PRH1: variants seen among roughly 807,000 people sequenced by gnomAD.
PRH1 encodes the protein proline rich protein HaeIII subfamily 1.
In PRH1, 7 loss-of-function variants were observed where a neutral mutation model predicts 7.9. The ratio of observed to expected loss-of-function variants is 0.89; its 90% CI spans 0.50 to 1.67. The LOEUF (loss-of-function observed/expected upper bound fraction) is 1.67. Among genes scored for constraint, PRH1 ranks in the 40% most tolerant of loss-of-function variants. PRH1 has a pLI of 0.00. For synonymous variants in PRH1, 45 were observed against 80.8 expected, an observed-to-expected ratio of 0.56 and a Z score of 2.38; for missense variants, 109 against 223.6, an observed-to-expected ratio of 0.49 and a Z score of 3.27.
intron 2 of PRH1, among the ~76,000 whole-genome samples, chr12:10,921,252 T>C (rs1026607947): frequency 2.6e-5 from 4 of 152,056 alleles, no homozygotes; most frequent in Admixed American, 1.3e-4. Flanking sequence ...AAGGTAAAAA[T>C]TATGACATTT....
chr12:11,037,354 A>G (rs1591860536), intron 1 of PRH1, among the ~76,000 whole-genome samples: 1 of 152,226 alleles, frequency 6.6e-6, no homozygotes, highest in Non-Finnish European at 1.5e-5. Flanking sequence ...ATCATGCTAA[A>G]TATGTTTTAT....
chr12:10,956,182 G>T (rs1039648348), intron 2 of PRH1, among the ~76,000 whole-genome samples: 12 of 151,914 alleles, frequency 7.9e-5, no homozygotes, highest in Non-Finnish European at 1.5e-5. Flanking sequence ...TCCACAAAAT[G>T]CCAGCAAGTT....
At position 11,090,902 on chromosome 12, in the gene PRH1, G is replaced by T. The variant is rs74062434; in HGVS notation, n.124-43714C>A. Reference sequence around the variant, plus strand: ...CAATAGAAAAGAGCAATATTTTTCCGGGGATAAGCTCTTACTTCTTAATAA... The same window carrying T: ...CAATAGAAAAGAGCAATATTTTTCCTGGGATAAGCTCTTACTTCTTAATAA... On this transcript the variant is annotated intron_variant and non_coding_transcript_variant, in intron 1 of 4. Transcript: ENST00000541977. 2.7e-4 allele frequency among the ~76,000 whole-genome samples: 25 copies of T among 93,402 alleles called. 7 individuals carry two copies. The highest frequency in any genetic ancestry group is 4.7e-4 in the Non-Finnish European group (18 of 38,370). The allele number at this position is 93,402 out of a possible 152,430, so 61.3% of individuals were successfully genotyped here. A position where few individuals can be genotyped will look rare whatever the true frequency, so the allele number is the denominator to read the frequency against.
chr12:11,051,729 T>A (rs1258438072), upstream of PRH1, among the ~76,000 whole-genome samples: 2 of 152,234 alleles, frequency 1.3e-5, no homozygotes, highest in Non-Finnish European at 2.9e-5. Context: ...GAACTCTGTA[T>A]AGATACAATC....
At chr12:10,971,001 T>A (rs762055647) in intron 2 of PRH1, among the ~76,000 whole-genome samples, 29 of 152,220 alleles carry the variant, frequency 1.9e-4, no homozygotes, top group Non-Finnish European at 2.1e-4. Flanking sequence ...TTTACTTTTT[T>A]TGCCTTTTAA....
chr12:11,007,875 C>A (rs185235133), intron 1 of PRH1, among the ~76,000 whole-genome samples: 1 of 152,078 alleles, frequency 6.6e-6, no homozygotes, highest in African/African-American at 2.4e-5. Context: ...CCAGAGTGAT[C>A]CACCCAAACC....
chr12:10,941,863 A>G (rs1950406948), intron 2 of PRH1, among the ~76,000 whole-genome samples: 1 of 152,190 alleles, frequency 6.6e-6, no homozygotes. Context: ...TATCAGAGAA[A>G]AGATCTAGGG....
intron 1 of PRH1, chr12:11,021,798 T>C (rs76455106): frequency 1.3e-6 from 2 of 1,573,436 alleles, no homozygotes; most frequent in Non-Finnish European, 1.7e-6. Context: ...GGAGTACAAG[T>C]TTGCTCTGCT....
intron 1 of PRH1, among the ~76,000 whole-genome samples, chr12:11,040,910 TG>T (rs1299607500): frequency 6.6e-6 from 1 of 152,118 alleles, no homozygotes; most frequent in Non-Finnish European, 1.5e-5. Context: ...AGATAGCATT[TG>T]CAAGCCTCAT....
intron 1 of PRH1, among the ~76,000 whole-genome samples, chr12:11,101,754 T>C (rs895801498): frequency 6.6e-6 from 1 of 152,188 alleles, no homozygotes; most frequent in Non-Finnish European, 1.5e-5. Context: ...TACCATACCT[T>C]GGTAAGAAAA....
intron 1 of PRH1, among the ~76,000 whole-genome samples, chr12:10,987,308 G>A (rs966590134): frequency 1.2e-4 from 18 of 152,068 alleles, no homozygotes; most frequent in Non-Finnish European, 7.3e-5. Context: ...CGTTCATACA[G>A]TAAATGTCTA....
chr12:10,903,931 CAAAAAAA>C (rs546066515), intron 2 of PRH1, among the ~76,000 whole-genome samples: 3 of 31,106 alleles, frequency 9.6e-5, no homozygotes, highest in Admixed American at 5.4e-4. Context: ...ACAATAGCCT[CAAAAAAA>C]AAAAAAAAAA....
intron 1 of PRH1, among the ~76,000 whole-genome samples, chr12:11,071,079 C>T (rs1299298298): frequency 7.0e-6 from 1 of 143,400 alleles, no homozygotes; most frequent in Non-Finnish European, 1.6e-5. Flanking sequence ...CACCCCCACT[C>T]ACTAGACATT....
intron 1 of PRH1, among the ~76,000 whole-genome samples, chr12:11,038,537 C>T (rs986500278): frequency 6.6e-6 from 1 of 152,198 alleles, no homozygotes; most frequent in African/African-American, 2.4e-5. Context: ...TAATTCTTCT[C>T]ATATCTGTAT....
intron 1 of PRH1, among the ~76,000 whole-genome samples, chr12:11,067,111 A>G (rs1210849807): frequency 1.3e-5 from 2 of 152,158 alleles, no homozygotes; most frequent in Non-Finnish European, 2.9e-5. Flanking sequence ...TCATTTTACT[A>G]TAGCAGTGAA....
chr12:11,049,590 A>C (rs886634969), upstream of PRH1, among the ~76,000 whole-genome samples: 6 of 152,176 alleles, frequency 3.9e-5, no homozygotes, highest in African/African-American at 1.4e-4. Context: ...ATGCAAATAA[A>C]GGCATTTTTT....
intron 2 of PRH1, among the ~76,000 whole-genome samples, chr12:10,904,951 C>A (rs553883430): frequency 6.6e-6 from 1 of 151,326 alleles, no homozygotes; most frequent in South Asian, 2.1e-4. Flanking sequence ...ATTAGAGACA[C>A]GCAAATCAAA....
rs1470825081 is a variant in PRH1, at chr12:11,096,782, GTTTT to G, written n.124-49598_124-49595del. ...TATTCCATTATTTAAATTTTATGCGGTTTTTGTTTTTTTTGTTGTTGTTGTTGTT... is the reference window on the plus strand; with the variant it reads ...TATTCCATTATTTAAATTTTATGCGGTGTTTTTTTTGTTGTTGTTGTTGTT... On this transcript the variant is annotated intron_variant and non_coding_transcript_variant, in intron 1 of 4. Transcript: ENST00000541977. 1.8e-5 allele frequency among the ~76,000 whole-genome samples: 2 copies of G among 112,678 alleles called. 1 individual carries two copies. Among genetic ancestry groups the G allele is most frequent in the Non-Finnish European group, 4.2e-5 (2 of 47,502 alleles). The allele number at this position is 112,678 out of a possible 152,430, so 73.9% of individuals were successfully genotyped here.
chr12:11,103,657 T>C (rs1465058354), intron 1 of PRH1, among the ~76,000 whole-genome samples: 2 of 151,948 alleles, frequency 1.3e-5, no homozygotes, highest in Non-Finnish European at 2.9e-5. Context: ...CTGCACATTG[T>C]GCACATGTAC....
Sources: gnomAD v4.1 joint callset for allele counts (sites outside exome capture counted in the v4.1 genomes callset) on GRCh38, gnomAD v4.1.1 for gene constraint, MANE v1.5 for transcripts, NCBI Gene and HGNC (gene_info 2026-07-23, HGNC 2026-07-21) for gene names.